The following CDC42BPA variants were observed in gnomAD, a reference collection of about 807,000 sequenced individuals.
CDC42BPA encodes CDC42 binding protein kinase alpha, also known as serine/threonine-protein kinase MRCK alpha.
A neutral mutation model predicts 223.5 loss-of-function variants in CDC42BPA; 80 were observed. The observed-to-expected ratio is 0.36, with a 90% CI of 0.30 to 0.43. The LOEUF (loss-of-function observed/expected upper bound fraction) is 0.43. CDC42BPA is among the 20% of genes least tolerant of loss of function. CDC42BPA has a pLI of 1.00. For missense variants in CDC42BPA, 1,743 were observed against 2,099.9 expected (o/e 0.83, Z 3.32); for synonymous variants, 694 against 718.6 (o/e 0.97, Z 0.55).
intron 15 of CDC42BPA, among the ~76,000 whole-genome samples, chr1:227,095,709 A>G (rs1683864609): frequency 6.6e-6 from 1 of 151,184 alleles, no homozygotes. Flanking sequence ...CTCTAGCCTC[A>G]GCCTCTGGAG....
chr1:227,002,713 A>G (rs1663120779), intron 35 of CDC42BPA, among the ~76,000 whole-genome samples: 1 of 152,196 alleles, frequency 6.6e-6, no homozygotes. Context: ...GGGTATGGAG[A>G]GGCCCACATT....
chr1:227,162,915 TG>T lies in CDC42BPA; in HGVS notation c.600-2280del, dbSNP rs1244207643. Among the ~76,000 whole-genome samples, 126 of 151,632 alleles carry T rather than the reference TG, an allele frequency of 8.3e-4. 2 individuals carry two copies. The Middle Eastern group carries it at 0.01, about 13-fold the overall frequency. ...CCAAACATATATGTGTGTGTATATG[TG>T]TGTGTTTCCAAACATATGTGTGTGT... is the stretch of plus-strand genomic sequence containing the variant. On this transcript the variant is annotated intron_variant, in intron 5 of 36. Transcript: ENST00000366766.
At chr1:227,178,106 T>C (rs967915219) in intron 5 of CDC42BPA, among the ~76,000 whole-genome samples, 1 of 152,222 alleles carries the variant, frequency 6.6e-6, no homozygotes, top group African/African-American at 2.4e-5. Context: ...CTTTAAAGTC[T>C]TTGTCCAATA....
chr1:227,185,892 G>T (rs1668700306), intron 5 of CDC42BPA, among the ~76,000 whole-genome samples: 1 of 152,118 alleles, frequency 6.6e-6, no homozygotes, highest in Non-Finnish European at 1.5e-5. Context: ...CAGTATGTAA[G>T]GAGTCCAGAA....
intron 11 of CDC42BPA, among the ~76,000 whole-genome samples, chr1:227,121,380 T>A (rs1688647456): frequency 6.6e-6 from 1 of 152,212 alleles, no homozygotes. Context: ...CTTGTGTAGA[T>A]GAATCCTGGA....
At chr1:227,154,645 G>A (rs1877622) in intron 6 of CDC42BPA, among the ~76,000 whole-genome samples, 24,160 of 151,830 alleles carry the variant, frequency 0.16, 2,361 homozygotes, top group African/African-American at 0.26. Flanking sequence ...TCCATAAGTC[G>A]TTTAGGAGCA....
intron 12 of CDC42BPA, among the ~76,000 whole-genome samples, chr1:227,115,565 C>G (rs537505182): frequency 6.6e-6 from 1 of 151,202 alleles, no homozygotes; most frequent in Non-Finnish European, 1.5e-5. Flanking sequence ...GCTTCATACA[C>G]AGAAGCTTGC....
chr1:227,225,133 AT>A (rs1432664999), intron 2 of CDC42BPA, among the ~76,000 whole-genome samples: 48 of 152,222 alleles, frequency 3.2e-4, no homozygotes, highest in African/African-American at 1.2e-3. Flanking sequence ...AAAAGACTAA[AT>A]ATTTGGTAAG....
At chr1:226,996,895 C>A (rs936857030) in intron 35 of CDC42BPA, among the ~76,000 whole-genome samples, 3 of 152,174 alleles carry the variant, frequency 2.0e-5, no homozygotes, top group Non-Finnish European at 2.9e-5. Context: ...CAATGTTCAT[C>A]AGGGATATTG....
chr1:227,098,922 A>G (rs1458316792), intron 15 of CDC42BPA, among the ~76,000 whole-genome samples: 1 of 152,032 alleles, frequency 6.6e-6, no homozygotes, highest in Non-Finnish European at 1.5e-5. Context: ...TCAACTATGG[A>G]CTGCCATTAG....
At chr1:227,032,897 C>T (rs1371745108) in intron 27 of CDC42BPA, among the ~76,000 whole-genome samples, 4 of 152,268 alleles carry the variant, frequency 2.6e-5, no homozygotes, top group African/African-American at 9.6e-5. Flanking sequence ...TACAGCTGGT[C>T]CACAGAATAG....
intron 12 of CDC42BPA, among the ~76,000 whole-genome samples, chr1:227,114,185 C>T (rs1312610794): frequency 6.6e-6 from 1 of 151,668 alleles, no homozygotes; most frequent in African/African-American, 2.4e-5. Context: ...AAATAAAAGA[C>T]CGTAAAGAAA....
chr1:227,000,586 GAAC>G (rs1323303626), intron 35 of CDC42BPA, among the ~76,000 whole-genome samples: 1 of 152,038 alleles, frequency 6.6e-6, no homozygotes, highest in East Asian at 1.9e-4. Flanking sequence ...GACTTTGTGG[GAAC>G]AACTCACCAC....
chr1:227,211,780 A>AG (rs1434388597), intron 3 of CDC42BPA, among the ~76,000 whole-genome samples: 1 of 147,274 alleles, frequency 6.8e-6, no homozygotes, highest in African/African-American at 2.5e-5. Context: ...GAGGGTGGGA[A>AG]GGGGGTGAGG....
At chr1:227,294,533 T>C (rs1690271021) in intron 1 of CDC42BPA, among the ~76,000 whole-genome samples, 1 of 152,084 alleles carries the variant, frequency 6.6e-6, no homozygotes, top group Non-Finnish European at 1.5e-5. Context: ...GTAATAACTA[T>C]TCCCATTTTC....
chr1:227,295,220 G>A (rs1158147743), intron 1 of CDC42BPA, among the ~76,000 whole-genome samples: 2 of 152,016 alleles, frequency 1.3e-5, no homozygotes, highest in African/African-American at 4.8e-5. Flanking sequence ...GGGTACAGTG[G>A]TGTGATCTCA....
intron 35 of CDC42BPA, among the ~76,000 whole-genome samples, chr1:227,002,320 G>GATA (rs76771039): frequency 0.91 from 137,961 of 152,200 alleles, 62,584 homozygotes; most frequent in East Asian, 0.95. Context: ...CTAATAAAAA[G>GATA]ATTAATAAAA....
At chr1:227,170,015 T>C (rs1665809119) in intron 5 of CDC42BPA, among the ~76,000 whole-genome samples, 1 of 152,184 alleles carries the variant, frequency 6.6e-6, no homozygotes, top group Non-Finnish European at 1.5e-5. Flanking sequence ...GCCTCAATAA[T>C]ATCTCTCACT....
intron 21 of CDC42BPA, among the ~76,000 whole-genome samples, chr1:227,064,253 A>G (rs1246089941): frequency 6.6e-6 from 1 of 152,210 alleles, no homozygotes; most frequent in Admixed American, 6.5e-5. Context: ...GGCAATTTCT[A>G]TTTTTGTGAA....
Sources: allele counts gnomAD v4.1 joint callset (sites outside exome capture counted in the v4.1 genomes callset), GRCh38; gene constraint gnomAD v4.1.1; transcripts MANE v1.5; gene names NCBI Gene and HGNC (gene_info 2026-07-23, HGNC 2026-07-21).